GMDS: variants seen among roughly 807,000 people sequenced by gnomAD.
GMDS encodes the protein GDP-mannose 4,6 dehydratase.
Under a neutral mutation model 49.9 loss-of-function variants are expected in GMDS, and 20 were observed. The observed-to-expected ratio is 0.40, with a 90% CI of 0.28 to 0.58. The LOEUF is 0.58. GMDS is among the 20% of genes least tolerant of loss of function. The probability of loss-of-function intolerance (pLI) is 0.42; values close to 1 mark genes in which losing one functional copy is unlikely to be tolerated. For missense variants in GMDS, 362 were observed against 481.4 expected, an observed-to-expected ratio of 0.75 and a Z score of 2.32; for synonymous variants, 177 against 178.6, an observed-to-expected ratio of 0.99 and a Z score of 0.07.
intron 9 of GMDS, among the ~76,000 whole-genome samples, chr6:1,652,548 A>ATTAT (rs1561701050): frequency 1.6e-4 from 1 of 6,384 alleles, no homozygotes; most frequent in Non-Finnish European, 4.1e-4. Flanking sequence ...ATTTATATAT[A>ATTAT]ATATATTATA....
intron 1 of GMDS, among the ~76,000 whole-genome samples, chr6:2,168,622 C>T (rs953432202): frequency 6.6e-6 from 1 of 152,166 alleles, no homozygotes; most frequent in African/African-American, 2.4e-5. Flanking sequence ...TATGCTTTTT[C>T]TTTTCTTTGC....
At chr6:1,790,190 C>T (rs1769479850) in intron 7 of GMDS, among the ~76,000 whole-genome samples, 1 of 152,132 alleles carries the variant, frequency 6.6e-6, no homozygotes, top group Non-Finnish European at 1.5e-5. Flanking sequence ...TGGTCACACT[C>T]CAGTATGACA....
At chr6:1,949,884 T>TA (rs1299565932) in intron 6 of GMDS, among the ~76,000 whole-genome samples, 1 of 152,214 alleles carries the variant, frequency 6.6e-6, no homozygotes, top group Non-Finnish European at 1.5e-5. Context: ...AATGGGCTGC[T>TA]AAAATTTTTT....
At chr6:1,780,206 T>C (rs548316584) in intron 7 of GMDS, among the ~76,000 whole-genome samples, 1 of 152,332 alleles carries the variant, frequency 6.6e-6, no homozygotes, top group East Asian at 1.9e-4. Flanking sequence ...GAGTAAAAGT[T>C]TTGTTTTCTA....
Position 2,229,721 on chromosome 6 carries a change from G to C in GMDS, c.102+15600C>G, listed in dbSNP as rs1188419664. Among the ~76,000 whole-genome samples, 8 of 152,164 alleles carry C rather than the reference G, an allele frequency of 5.3e-5. No individual in the cohort carries two copies. The East Asian group carries it at 1.5e-3, about 29-fold the overall frequency. On this transcript the variant is annotated intron_variant, in intron 1 of 10. Coordinates refer to ENST00000380815, the MANE Select transcript of GMDS (RefSeq NM_001500.4). ...GTACCAGAAATGGGTACTTTGCCCA[G>C]ATCATCCCTGACAAAAATATTTGCC...
intron 4 of GMDS, among the ~76,000 whole-genome samples, chr6:1,985,454 A>G (rs955594158): frequency 7.2e-5 from 11 of 152,220 alleles, no homozygotes; most frequent in African/African-American, 2.4e-4. Flanking sequence ...ACTGAAGAGA[A>G]CATTTACTAC....
intron 7 of GMDS, among the ~76,000 whole-genome samples, chr6:1,794,437 CA>C (rs3215535): frequency 0.029 from 4,449 of 152,172 alleles, 172 homozygotes; most frequent in East Asian, 0.13. Flanking sequence ...GAAACTACGG[CA>C]TTATATAGAA....
intron 1 of GMDS, among the ~76,000 whole-genome samples, chr6:2,176,766 T>C (rs1216699982): frequency 6.6e-6 from 1 of 152,058 alleles, no homozygotes. Context: ...CCAGAAGTAA[T>C]TGCTTCCTTC....
chr6:1,931,582 A>G (rs1405721075), intron 6 of GMDS, among the ~76,000 whole-genome samples: 2 of 152,202 alleles, frequency 1.3e-5, no homozygotes, highest in Non-Finnish European at 2.9e-5. Flanking sequence ...GAAATGAAAA[A>G]CTACTTATTA....
chr6:2,045,434 G>GT (rs931968396), intron 4 of GMDS, among the ~76,000 whole-genome samples: 119 of 149,212 alleles, frequency 8.0e-4, no homozygotes, highest in African/African-American at 2.7e-3. Flanking sequence ...ATAATTAGCT[G>GT]TTTTTTTCTT....
chr6:2,112,863 T>C (rs1489678851), intron 4 of GMDS, among the ~76,000 whole-genome samples: 1 of 151,970 alleles, frequency 6.6e-6, no homozygotes. Flanking sequence ...CTCTGCCTCC[T>C]CCACTTCAGT....
At chr6:2,141,890 C>T (rs1350710644) in intron 1 of GMDS, among the ~76,000 whole-genome samples, 1 of 140,382 alleles carries the variant, frequency 7.1e-6, no homozygotes, top group Non-Finnish European at 1.6e-5. Flanking sequence ...CTCTCTCTCT[C>T]TTCTCTTTCT....
chr6:1,755,774 A>G (rs1767917192), intron 7 of GMDS, among the ~76,000 whole-genome samples: 1 of 152,240 alleles, frequency 6.6e-6, no homozygotes, highest in African/African-American at 2.4e-5. Context: ...AGATGGATTA[A>G]AGACTTAAGT....
chr6:1,737,083 A>C (rs1767025092), intron 8 of GMDS, among the ~76,000 whole-genome samples: 1 of 152,200 alleles, frequency 6.6e-6, no homozygotes, highest in Non-Finnish European at 1.5e-5. Context: ...ATGAGCACAA[A>C]ACAGCTTGTT....
At chr6:1,666,115 C>T (rs1269651318) in intron 9 of GMDS, among the ~76,000 whole-genome samples, 2 of 152,124 alleles carry the variant, frequency 1.3e-5, no homozygotes, top group African/African-American at 4.8e-5. Flanking sequence ...TATAAGTGGG[C>T]TGAGTGTATG....
At chr6:2,140,127 C>T (rs1256045272) in intron 1 of GMDS, among the ~76,000 whole-genome samples, 29 of 152,142 alleles carry the variant, frequency 1.9e-4, no homozygotes. Flanking sequence ...ATCATCTTTG[C>T]AGATGTGATG....
intron 1 of GMDS, among the ~76,000 whole-genome samples, chr6:2,202,048 G>A (rs564158324): frequency 7.0e-6 from 1 of 143,462 alleles, no homozygotes; most frequent in Non-Finnish European, 1.5e-5. Context: ...TAGGCAGTGA[G>A]GGCAGCGCGT....
intron 9 of GMDS, among the ~76,000 whole-genome samples, chr6:1,693,030 T>A (rs1356919693): frequency 6.6e-6 from 1 of 152,224 alleles, no homozygotes; most frequent in Non-Finnish European, 1.5e-5. Context: ...CCAGTTATGT[T>A]ACTTGGAAGC....
intron 1 of GMDS, among the ~76,000 whole-genome samples, chr6:2,177,239 C>T (rs1326544150): frequency 6.6e-6 from 1 of 152,070 alleles, no homozygotes; most frequent in Non-Finnish European, 1.5e-5. Flanking sequence ...TTTGTTAAAG[C>T]AGATGGGTCT....
Sources: gnomAD v4.1 joint callset for allele counts (sites outside exome capture counted in the v4.1 genomes callset) on GRCh38, gnomAD v4.1.1 for gene constraint, MANE v1.5 for transcripts, NCBI Gene and HGNC (gene_info 2026-07-23, HGNC 2026-07-21) for gene names.